Variants in SRSF7 observed in about 807,000 individuals in gnomAD.
SRSF7 encodes serine/arginine-rich splicing factor 7.
A neutral mutation model predicts 42.2 loss-of-function variants in SRSF7; 15 were observed. The observed-to-expected ratio is 0.36, with a 90% confidence interval of 0.24 to 0.55. The LOEUF is 0.55. SRSF7 is among the 20% of genes least tolerant of loss of function. The probability of loss-of-function intolerance (pLI) is 0.88; values close to 1 mark genes in which losing one functional copy is unlikely to be tolerated. For missense variants in SRSF7, 181 were observed against 305.9 expected (o/e 0.59, Z 3.04); for synonymous variants, 138 against 107.9 (o/e 1.28, Z -1.73).
rs1667828944 is a variant in SRSF7, at chr2:38,748,556, ACTT to A, written c.461+20_461+22del. 3 of 1,608,160 alleles carry A rather than the reference ACTT, an allele frequency of 1.9e-6. No homozygotes were observed. The highest frequency in any genetic ancestry group is 2.7e-5 in the African/African-American group (2 of 74,908). On this transcript the variant is annotated intron_variant, in intron 4 of 7. Transcript: ENST00000313117. ...GTGAATTTAATAATAATACAGAAAG[ACTT>A]CAGTTAAACAAGATCTCACCTTCGT...
chr2:38,751,087 T>C, intron 1 of SRSF7, 142 bp downstream of exon 1: 1 of 1,097,296 alleles, frequency 9.1e-7, no homozygotes, highest in East Asian at 2.4e-5. Context: ...CCGCCTCCGC[T>C]GCCTCCGGCT....
chr2:38,748,011 A>C, intron 5 of SRSF7, 36 bp downstream of exon 5: 1 of 1,481,248 alleles, frequency 6.8e-7, no homozygotes, highest in East Asian at 2.3e-5. Flanking sequence ...GATGTGAACA[A>C]TCCAAACACA....
intron 5 of SRSF7, 87 bp from the exon 6 acceptor site, chr2:38,746,834 G>A (rs1667491650): frequency 2.5e-6 from 4 of 1,570,034 alleles, no homozygotes; most frequent in African/African-American, 2.7e-5. Context: ...GGTTGGTCAG[G>A]CATAAAGAAG....
chr2:38,744,021 T>C lies in SRSF7; in HGVS notation c.*1112A>G. The stretch of plus-strand genomic sequence containing the variant: ...CTTAAAATTTGAATAAAGAACCTAC[T>C]GGCTATGTAACATTCTAAGGTCTAC... On this transcript the variant is annotated 3_prime_UTR_variant, in exon 8 of 8. Transcript: ENST00000313117. The C allele has an allele frequency of 6.6e-6, 1 of 152,288 alleles. No individual in the cohort carries two copies. Among genetic ancestry groups the C allele is most frequent in the South Asian group, 2.1e-4 (1 of 4,826 alleles). The allele number at this position is 152,288 out of a possible 1,614,324, so 9.4% of individuals were successfully genotyped here.
chr2:38,746,264 T>C (rs879387565), intron 6 of SRSF7, 85 bp from the exon 7 acceptor site: 178 of 1,446,456 alleles, frequency 1.2e-4, no homozygotes, highest in Non-Finnish European at 1.6e-4. Context: ...AACCCCCAAA[T>C]GTCCTAAGCT....
chr2:38,751,349 CCGGCGGCACTA>C lies in SRSF7; in HGVS notation c.-104_-94del. 6.4e-7 allele frequency: 1 copy of C among 1,571,346 alleles called. No homozygotes were observed. Among genetic ancestry groups the C allele is most frequent in the Non-Finnish European group, 8.7e-7 (1 of 1,144,546 alleles). ...CACACACCTTCACCCGCCAAGAGTC[CCGGCGGCACTA>C]CGAGGAAGAGCCCGGGTTCGCGTTT... On this transcript the variant is annotated 5_prime_UTR_variant, in exon 1 of 8. Coordinates refer to ENST00000313117, the MANE Select transcript of SRSF7 (RefSeq NM_001031684.3).
chr2:38,747,930 A>T (rs139487301), intron 5 of SRSF7, 117 bp downstream of exon 5: 3 of 695,322 alleles, frequency 4.3e-6, no homozygotes, highest in Non-Finnish European at 7.0e-6. Context: ...CATAAATTCC[A>T]AACTTTTACA....
chr2:38,751,186 C>G (rs1387361490), intron 1 of SRSF7, 43 bp downstream of exon 1: 5 of 1,613,622 alleles, frequency 3.1e-6, no homozygotes, highest in Non-Finnish European at 4.2e-6. Flanking sequence ...GCAGTGCTCA[C>G]TACACCCACA....
chr2:38,749,579 CT>C lies in SRSF7; in HGVS notation c.335del (p.Lys112ArgfsTer73). ...PNDRCYECGE[K>X]GHYAYDCHRY... The stretch of plus-strand genomic sequence containing the variant: ...GATGACAATCATAAGCATAATGTCC[CT>C]TTTCGCCACACTCATAGCATCTATC... On this transcript the variant is annotated frameshift_variant, in exon 3 of 8. Coordinates refer to ENST00000313117, the MANE Select transcript of SRSF7 (RefSeq NM_001031684.3). LOFTEE classifies it high-confidence loss of function. 6.3e-7 allele frequency: 1 copy of C among 1,597,600 alleles called. No individual in the cohort carries two copies. The highest frequency in any genetic ancestry group is 8.5e-7 in the Non-Finnish European group (1 of 1,175,516).
In SRSF7 at chr2:38,748,607, G is replaced by C; in HGVS notation, c.433C>G (p.Arg145Gly). 6.2e-7 allele frequency: 1 copy of C among 1,614,190 alleles called. No homozygotes were observed. The highest frequency in any genetic ancestry group is 8.5e-7 in the Non-Finnish European group (1 of 1,180,032). The change falls in exon 4 of 8, where the codon CGC (arginine) becomes GGC (glycine). Residue 145 changes from arginine to glycine, a missense_variant. By Grantham distance (125) the Arg-to-Gly change is moderately radical (BLOSUM62 -2). Around this residue, in one of 2 missense-constraint regions of SRSF7, gnomAD observed 136 missense variants for 147.8 expected, o/e 0.92. Transcript: ENST00000313117. ...HSRSRGRRYS[R>G]SRSRSRGRRS... ...CGTCCCCTGCTCCTGCTGCGTGAGC[G>C]AGAGTATCGCCTTCCTCTGGATCGA...
At chr2:38,751,123 A>G in intron 1 of SRSF7, 106 bp downstream of exon 1, 2 of 1,493,742 alleles carry the variant, frequency 1.3e-6, no homozygotes, top group Non-Finnish European at 1.9e-6. Flanking sequence ...CTAAGCCGCC[A>G]TTACGCACGC....
intron 4 of SRSF7, 125 bp downstream of exon 4, chr2:38,748,454 C>CT (rs1321133591): frequency 7.3e-6 from 7 of 959,890 alleles, no homozygotes; most frequent in Non-Finnish European, 1.1e-5. Flanking sequence ...GGTTATGCCC[C>CT]TGTACTCCAG....
intron 5 of SRSF7, among the ~76,000 whole-genome samples, chr2:38,747,732 A>G (rs1667680579): frequency 6.6e-6 from 1 of 152,092 alleles, no homozygotes; most frequent in South Asian, 2.1e-4. Context: ...ATCAATTACC[A>G]TCTTTCAGAG....
intron 3 of SRSF7, chr2:38,749,035 G>A: frequency 7.7e-7 from 1 of 1,304,460 alleles, no homozygotes. Context: ...AAATGAGCCA[G>A]GTGAGGCTTG....
At chr2:38,746,379 T>A (rs908931899) in intron 6 of SRSF7, among the ~76,000 whole-genome samples, 200 bp from the exon 7 acceptor site, 2 of 152,210 alleles carry the variant, frequency 1.3e-5, no homozygotes, top group African/African-American at 4.8e-5. Context: ...AATTACTACA[T>A]CATGATTAAT....
Position 38,746,170 on chromosome 2 carries a change from C to T in SRSF7, c.636G>A (p.Lys212=). 10 of 1,614,046 alleles carry T rather than the reference C, an allele frequency of 6.2e-6. No individual in the cohort carries two copies. In the East Asian group the frequency reaches 2.0e-4, roughly 32 times the overall value. ...SISRPRSSRS[K]SRSPSPKRSR... ...TTCTTTTTGGAGATGGAGATCTGGA[C>T]TTTGATCGGCTGTCAAAACATGAGA... The change falls in exon 7 of 8, where the codon AAG becomes AAA. Residue 212 remains lysine, a synonymous_variant. Coordinates refer to ENST00000313117, the MANE Select transcript of SRSF7 (RefSeq NM_001031684.3).
chr2:38,748,797 AG>A, intron 3 of SRSF7, 144 bp from the exon 4 acceptor site: 2 of 1,179,128 alleles, frequency 1.7e-6, no homozygotes, highest in Non-Finnish European at 2.3e-6. Context: ...TTAGTTGTTG[AG>A]TATTTTTTTT....
intron 3 of SRSF7, 128 bp downstream of exon 3, chr2:38,749,401 C>T: frequency 6.4e-7 from 1 of 1,558,722 alleles, no homozygotes; most frequent in African/African-American, 1.4e-5. Flanking sequence ...TTTAATTAAA[C>T]AAAAATTGTA....
chr2:38,746,555 T>C (rs1667446310), intron 6 of SRSF7, 139 bp downstream of exon 6: 1 of 1,278,868 alleles, frequency 7.8e-7, no homozygotes, highest in Non-Finnish European at 1.1e-6. Context: ...AAATAGGACA[T>C]ACACAAATAA....
Sources: allele counts gnomAD v4.1 joint callset (sites outside exome capture counted in the v4.1 genomes callset), GRCh38; gene constraint gnomAD v4.1.1; regional missense constraint gnomAD v4.1.1; transcripts MANE v1.5; gene names NCBI Gene and HGNC (gene_info 2026-07-23, HGNC 2026-07-21).